Variants in PARM1 observed in about 807,000 individuals in gnomAD.
PARM1 encodes the protein WSC4, cell wall integrity and stress response component 4 homolog.
In PARM1, 14 loss-of-function variants were observed where a neutral mutation model predicts 24.6. The observed-to-expected ratio is 0.57, with a 90% confidence interval of 0.38 to 0.89. The LOEUF (loss-of-function observed/expected upper bound fraction) is 0.89, where lower values mean the gene tolerates loss of function less well. PARM1 is among the 40% of genes least tolerant of loss of function. PARM1 has a pLI of 0.00. For synonymous variants in PARM1, 179 were observed against 156.6 expected (o/e 1.14, Z -1.07); for missense variants, 362 against 380.4 (o/e 0.95, Z 0.40).
At chr4:75,046,058 T>G (rs1723594913) in intron 3 of PARM1, 105 bp from the exon 4 acceptor site, 2 of 706,286 alleles carry the variant, frequency 2.8e-6, no homozygotes, top group Non-Finnish European at 5.0e-6. Context: ...CAACTTTCCC[T>G]CTCCCTGGCC....
intron 2 of PARM1, among the ~76,000 whole-genome samples, chr4:75,025,724 C>T (rs1448526837): frequency 2.6e-5 from 4 of 152,186 alleles, no homozygotes; most frequent in African/African-American, 9.7e-5. Context: ...TTTATTATCT[C>T]AACCAAGATT....
At chr4:75,032,961 T>G (rs1351467419) in intron 2 of PARM1, among the ~76,000 whole-genome samples, 1 of 152,178 alleles carries the variant, frequency 6.6e-6, no homozygotes, top group African/African-American at 2.4e-5. Flanking sequence ...ATTTTTAAGG[T>G]GAAATGAAAC....
intron 1 of PARM1, among the ~76,000 whole-genome samples, chr4:74,938,573 A>G (rs1377571304): frequency 1.3e-5 from 2 of 152,200 alleles, no homozygotes; most frequent in East Asian, 3.8e-4. Flanking sequence ...TTTTGCCTAG[A>G]AATACAGAGC....
intron 1 of PARM1, among the ~76,000 whole-genome samples, chr4:74,974,004 G>A (rs997273248): frequency 3.3e-5 from 5 of 152,198 alleles, no homozygotes; most frequent in African/African-American, 9.6e-5. Flanking sequence ...AAGAAAGCCA[G>A]TGGTGTAATT....
chr4:74,937,301 T>C (rs948072734), intron 1 of PARM1, among the ~76,000 whole-genome samples: 3 of 152,192 alleles, frequency 2.0e-5, no homozygotes, highest in Non-Finnish European at 2.9e-5. Flanking sequence ...TTGCATTCCT[T>C]AGCCTGAGAA....
intron 1 of PARM1, among the ~76,000 whole-genome samples, chr4:74,976,394 G>T (rs1722138631): frequency 6.6e-6 from 1 of 152,166 alleles, no homozygotes; most frequent in Non-Finnish European, 1.5e-5. Context: ...ACAGGGTGGG[G>T]CCTCCCTGGG....
intron 1 of PARM1, among the ~76,000 whole-genome samples, chr4:74,937,746 T>A (rs1721222922): frequency 6.6e-6 from 1 of 152,234 alleles, no homozygotes; most frequent in Admixed American, 6.5e-5. Context: ...GCAGAGTTTA[T>A]GTGTTTGTAC....
intron 1 of PARM1, among the ~76,000 whole-genome samples, chr4:74,945,722 G>A (rs1468174539): frequency 1.3e-5 from 2 of 152,060 alleles, no homozygotes; most frequent in Admixed American, 1.3e-4. Flanking sequence ...ATTATTCTAA[G>A]CTCTTCTAAA....
intron 1 of PARM1, chr4:74,993,956 A>G (rs1188330895): frequency 1.3e-5 from 2 of 152,202 alleles, no homozygotes; most frequent in African/African-American, 2.4e-5. Context: ...AGGAACAGAC[A>G]ATAGAAGTTT....
chr4:74,964,920 A>C (rs1721867494), intron 1 of PARM1, among the ~76,000 whole-genome samples: 1 of 152,234 alleles, frequency 6.6e-6, no homozygotes, highest in African/African-American at 2.4e-5. Context: ...AAGTTTAGGA[A>C]TAGACTTGCC....
At chr4:75,022,662 G>A (rs1255528690) in intron 2 of PARM1, among the ~76,000 whole-genome samples, 1 of 152,130 alleles carries the variant, frequency 6.6e-6, no homozygotes, top group African/African-American at 2.4e-5. Context: ...GAGAAAGTGG[G>A]ATTTAACTTA....
chr4:75,018,408 C>T (rs1161821994), intron 2 of PARM1, among the ~76,000 whole-genome samples: 1 of 152,182 alleles, frequency 6.6e-6, no homozygotes, highest in East Asian at 1.9e-4. Context: ...AAGTATTCAA[C>T]TGGTGGGAAT....
rs139840348 is a variant in PARM1, at chr4:75,011,584, T to A, written c.44-841T>A. Among the ~76,000 whole-genome samples the A allele has an allele frequency of 4.2e-3, 638 of 152,202 alleles. 4 individuals carry two copies. Among genetic ancestry groups the A allele is most frequent in the African/African-American group, 0.015 (602 of 41,514 alleles). ...CACATAAAAGCCCTTTATTAAATAA[T>A]CATTGAATGAGTCAATGAATGAAAC... On this transcript the variant is annotated intron_variant, in intron 1 of 3. Transcript: ENST00000307428.
At chr4:74,996,652 T>C (rs931819554) in intron 1 of PARM1, among the ~76,000 whole-genome samples, 3 of 152,128 alleles carry the variant, frequency 2.0e-5, no homozygotes, top group East Asian at 1.9e-4. Context: ...TTCCTGGAGA[T>C]TTTACCACTC....
chr4:74,946,629 G>A (rs1721417941), intron 1 of PARM1, among the ~76,000 whole-genome samples: 1 of 152,118 alleles, frequency 6.6e-6, no homozygotes, highest in African/African-American at 2.4e-5. Flanking sequence ...GTTAGACCAG[G>A]TAGTAAACAT....
chr4:74,949,178 C>A (rs1005113448), intron 1 of PARM1, among the ~76,000 whole-genome samples: 5 of 152,170 alleles, frequency 3.3e-5, no homozygotes, highest in African/African-American at 4.8e-5. Flanking sequence ...TTTAAAAGAT[C>A]CACAGTTAGT....
intron 1 of PARM1, chr4:74,965,274 C>T (rs1721873641): frequency 6.6e-6 from 1 of 152,192 alleles, no homozygotes; most frequent in East Asian, 1.9e-4. Context: ...CTTCAGGTGA[C>T]TTCTGCGCAG....
intron 1 of PARM1, among the ~76,000 whole-genome samples, chr4:74,964,135 C>A (rs763242582): frequency 1.1e-4 from 16 of 152,162 alleles, no homozygotes; most frequent in Non-Finnish European, 1.5e-4. Context: ...TGTGTAGGAG[C>A]AGGGATGGAT....
chr4:74,973,292 A>AT (rs1285680701), intron 1 of PARM1, among the ~76,000 whole-genome samples: 2 of 152,234 alleles, frequency 1.3e-5, no homozygotes, highest in African/African-American at 4.8e-5. Context: ...GAAACCTGTC[A>AT]TCTAAAGATA....
Sources: gnomAD v4.1 joint callset for allele counts (sites outside exome capture counted in the v4.1 genomes callset) on GRCh38, gnomAD v4.1.1 for gene constraint, MANE v1.5 for transcripts, NCBI Gene and HGNC (gene_info 2026-07-23, HGNC 2026-07-21) for gene names.